The following KSR2 variants were observed in gnomAD, a reference collection of about 807,000 sequenced individuals.
KSR2 encodes the protein kinase suppressor of ras 2.
A neutral mutation model predicts 107.8 loss-of-function variants in KSR2; 25 were observed. The observed-to-expected ratio is 0.23, with a 90% CI of 0.17 to 0.32. KSR2 has a LOEUF of 0.32. Ranked by LOEUF, KSR2 falls within the 10% of genes least tolerant of loss-of-function variation. The pLI is 1.00. For missense variants in KSR2, 887 were observed against 1,268.9 expected (o/e 0.70, Z 4.57); for synonymous variants, 480 against 507.0 (o/e 0.95, Z 0.71).
At chr12:117,768,855 G>A (rs961183551) in intron 3 of KSR2, among the ~76,000 whole-genome samples, 1 of 152,236 alleles carries the variant, frequency 6.6e-6, no homozygotes, top group Non-Finnish European at 1.5e-5. Context: ...GAGAGGTCAA[G>A]TGGCTTGCTC....
rs1472975500 is a variant in KSR2 at position 117,756,708 on chromosome 12, T to C, written c.986+4303A>G. Among the ~76,000 whole-genome samples, 3 of 152,220 alleles carry C rather than the reference T, an allele frequency of 2.0e-5. No homozygotes were observed. The East Asian group carries it at 5.8e-4, about 29-fold the overall frequency. On this transcript the variant is annotated intron_variant, in intron 4 of 19. Transcript: ENST00000339824. ...ATTTAAGAAATACATTTTATAAGGC[T>C]ATAGCTGCCATAGATAGTGATTCCT...
At chr12:117,932,535 G>A (rs1895722122) in intron 1 of KSR2, among the ~76,000 whole-genome samples, 1 of 152,028 alleles carries the variant, frequency 6.6e-6, no homozygotes, top group South Asian at 2.1e-4. Context: ...GGGCAATACA[G>A]CAAAACCCTA....
At chr12:117,497,336 A>G (rs1462398064) in intron 14 of KSR2, among the ~76,000 whole-genome samples, 1 of 152,206 alleles carries the variant, frequency 6.6e-6, no homozygotes, top group African/African-American at 2.4e-5. Flanking sequence ...TAGGTGCTAG[A>G]TGCTTCCATT....
At position 117,466,576 on chromosome 12, in the gene KSR2, C is replaced by T. The variant is rs1003716326; in HGVS notation, c.*623G>A. On this transcript the variant is annotated 3_prime_UTR_variant, in exon 20 of 20. Coordinates refer to ENST00000339824, the MANE Select transcript of KSR2 (RefSeq NM_173598.6). ...AAGGTGCCACACGCCATGACAGGCT[C>T]GGGTTGGGGTGTCTGAAAACAGATA... is the stretch of plus-strand genomic sequence containing the variant. The T allele has an allele frequency of 6.6e-6, 1 of 152,378 alleles. No individual in the cohort carries two copies. 9.4% of individuals were successfully genotyped at this position (152,378 alleles called of 1,614,324 possible).
rs1156548441 is a variant in KSR2, at chr12:117,463,591, G to A, written c.*3608C>T. 6.6e-6 allele frequency: 1 copy of A among 152,228 alleles called. No individual in the cohort carries two copies. Among genetic ancestry groups the A allele is most frequent in the Non-Finnish European group, 1.5e-5 (1 of 68,052 alleles). The allele number at this position is 152,228 out of a possible 1,614,324, so 9.4% of individuals were successfully genotyped here. On this transcript the variant is annotated 3_prime_UTR_variant, in exon 20 of 20. Coordinates refer to ENST00000339824, the MANE Select transcript of KSR2 (RefSeq NM_173598.6). ...AATTTGAATGTTATAGAATTTTCAT[G>A]TCATGAAATATTATTCTTTTGATTT... is the stretch of plus-strand genomic sequence containing the variant.
chr12:117,862,732 T>TCC (rs1893348410), intron 1 of KSR2, among the ~76,000 whole-genome samples: 2 of 148,062 alleles, frequency 1.4e-5, no homozygotes, highest in Admixed American at 6.7e-5. Flanking sequence ...CCCCCCCTTT[T>TCC]TTTTTTTTTT....
chr12:117,540,626 T>C (rs1876415982), intron 9 of KSR2, among the ~76,000 whole-genome samples: 1 of 152,178 alleles, frequency 6.6e-6, no homozygotes, highest in South Asian at 2.1e-4. Context: ...AATATCCAAA[T>C]CATCCTGGAT....
chr12:117,521,384 T>C (rs1260213008), intron 14 of KSR2, among the ~76,000 whole-genome samples: 1 of 152,198 alleles, frequency 6.6e-6, no homozygotes, highest in Non-Finnish European at 1.5e-5. Flanking sequence ...AAACCCTAGG[T>C]AGCAAGGTAG....
intron 3 of KSR2, among the ~76,000 whole-genome samples, chr12:117,838,066 G>A (rs1892307427): frequency 6.6e-6 from 1 of 152,212 alleles, no homozygotes; most frequent in African/African-American, 2.4e-5. Context: ...CAGCATCTGT[G>A]TACAGCACTC....
At chr12:117,694,945 G>A (rs1885990356) in intron 4 of KSR2, among the ~76,000 whole-genome samples, 1 of 142,790 alleles carries the variant, frequency 7.0e-6, no homozygotes, top group South Asian at 2.2e-4. Context: ...CCACCTCCCA[G>A]GTTCAAGCAA....
At chr12:117,694,294 C>T (rs1264993015) in intron 4 of KSR2, among the ~76,000 whole-genome samples, 2 of 152,154 alleles carry the variant, frequency 1.3e-5, no homozygotes, top group African/African-American at 4.8e-5. Flanking sequence ...CCATACTGTT[C>T]TCGTGGTAGT....
At chr12:117,728,527 A>T (rs1434398106) in intron 4 of KSR2, among the ~76,000 whole-genome samples, 1 of 152,210 alleles carries the variant, frequency 6.6e-6, no homozygotes. Flanking sequence ...TCTGGCTCCC[A>T]GAAAGCCCCC....
intron 5 of KSR2, among the ~76,000 whole-genome samples, chr12:117,651,721 G>A (rs527554709): frequency 3.9e-4 from 60 of 152,344 alleles, no homozygotes; most frequent in Middle Eastern, 6.8e-3. Flanking sequence ...GATTGGGATG[G>A]TGGAGTAGAT....
intron 5 of KSR2, among the ~76,000 whole-genome samples, chr12:117,638,953 C>T (rs1009460320): frequency 1.1e-4 from 17 of 151,948 alleles, no homozygotes; most frequent in African/African-American, 3.4e-4. Flanking sequence ...CAACAAAGTA[C>T]GATCGATAAA....
At chr12:117,947,174 GAAAGAAAGAAAGAAAAGAAAGA>G (rs1896205008) in intron 1 of KSR2, among the ~76,000 whole-genome samples, 9 of 35,752 alleles carry the variant, frequency 2.5e-4, no homozygotes, top group South Asian at 7.3e-4. Flanking sequence ...TCAAAAGAAA[GAAAGAAAGAAAGAAAAGAAAGA>G]AAAGAAAGAA....
At chr12:117,606,910 A>G (rs1464876951) in intron 5 of KSR2, among the ~76,000 whole-genome samples, 1 of 152,080 alleles carries the variant, frequency 6.6e-6, no homozygotes, top group African/African-American at 2.4e-5. Context: ...GAGGGAGAAA[A>G]AGATTCCCTG....
chr12:117,560,545 T>C (rs1362376557), intron 7 of KSR2, among the ~76,000 whole-genome samples: 2 of 152,244 alleles, frequency 1.3e-5, no homozygotes, highest in African/African-American at 4.8e-5. Flanking sequence ...CTATCTCCAG[T>C]CCCAGTTTTC....
At chr12:117,968,029 C>CTT (rs34834989) in intron 1 of KSR2, 47 bp downstream of exon 1, 303 of 678,676 alleles carry the variant, frequency 4.5e-4, no homozygotes, top group South Asian at 1.1e-3. Context: ...AGAAGGATTG[C>CTT]TTTTTTTTTT....
chr12:117,662,710 C>T (rs996896231), intron 5 of KSR2, among the ~76,000 whole-genome samples: 1 of 152,150 alleles, frequency 6.6e-6, no homozygotes, highest in African/African-American at 2.4e-5. Flanking sequence ...ACTTGTTCCC[C>T]TTGGTAACTG....
Sources: allele counts gnomAD v4.1 joint callset (sites outside exome capture counted in the v4.1 genomes callset), GRCh38; gene constraint gnomAD v4.1.1; transcripts MANE v1.5; gene names NCBI Gene and HGNC (gene_info 2026-07-23, HGNC 2026-07-21).